TMEM117: variants seen among roughly 807,000 people sequenced by gnomAD.
TMEM117 encodes the protein transmembrane protein 117.
A neutral mutation model predicts 52.4 loss-of-function variants in TMEM117; 27 were observed. The observed-to-expected ratio is 0.51, with a 90% CI of 0.38 to 0.71. The LOEUF (loss-of-function observed/expected upper bound fraction) is 0.71, where lower values mean the gene tolerates loss of function less well. TMEM117 is among the 30% of genes least tolerant of loss of function. The pLI is 0.00. For missense variants in TMEM117, 556 were observed against 630.5 expected, an observed-to-expected ratio of 0.88 and a Z score of 1.26; for synonymous variants, 215 against 206.3, an observed-to-expected ratio of 1.04 and a Z score of -0.36.
chr12:44,137,862 A>G (rs1366011498), intron 3 of TMEM117, among the ~76,000 whole-genome samples: 1 of 152,080 alleles, frequency 6.6e-6, no homozygotes, highest in Non-Finnish European at 1.5e-5. Context: ...CAGCCAAACC[A>G]TATCACATGC....
intron 2 of TMEM117, among the ~76,000 whole-genome samples, chr12:43,893,612 A>T (rs929197402): frequency 6.6e-6 from 1 of 152,158 alleles, no homozygotes; most frequent in Non-Finnish European, 1.5e-5. Flanking sequence ...GTGAAAAATC[A>T]CAATCTCCTT....
chr12:44,347,364 G>A (rs1368991344), intron 6 of TMEM117, among the ~76,000 whole-genome samples: 1 of 152,062 alleles, frequency 6.6e-6, no homozygotes, highest in African/African-American at 2.4e-5. Flanking sequence ...ATGTTCCCAA[G>A]AATGCTCTAG....
chr12:43,969,388 G>C (rs1945541832), intron 3 of TMEM117, among the ~76,000 whole-genome samples: 1 of 133,238 alleles, frequency 7.5e-6, no homozygotes, highest in Admixed American at 7.3e-5. Context: ...CCAGGCATGG[G>C]GGCGGGTGCC....
intron 4 of TMEM117, among the ~76,000 whole-genome samples, chr12:44,160,326 A>G (rs1341402970): frequency 1.3e-5 from 2 of 152,176 alleles, no homozygotes; most frequent in African/African-American, 2.4e-5. Flanking sequence ...AAAAGTTAAT[A>G]TATATCCATA....
chr12:43,799,233 T>A, the TMEM117 span, among the ~76,000 whole-genome samples: 1 of 152,132 alleles, frequency 6.6e-6, no homozygotes, highest in Non-Finnish European at 1.5e-5. Flanking sequence ...TAACTTTTTT[T>A]TTCTGAAAAG....
chr12:44,286,798 G>C (rs17094386), intron 5 of TMEM117, among the ~76,000 whole-genome samples: 7,167 of 152,146 alleles, frequency 0.047, 346 homozygotes, highest in African/African-American at 0.12. Context: ...TAAAATGCAT[G>C]TTTCCAACAA....
intron 3 of TMEM117, among the ~76,000 whole-genome samples, chr12:44,002,746 C>T (rs1565787839): frequency 6.6e-6 from 1 of 152,170 alleles, no homozygotes; most frequent in African/African-American, 2.4e-5. Flanking sequence ...GTCCCTTCTT[C>T]CTTCTCTACC....
chr12:44,298,089 GA>G (rs149555021), intron 5 of TMEM117, among the ~76,000 whole-genome samples: 4,450 of 142,296 alleles, frequency 0.031, 301 homozygotes, highest in African/African-American at 0.071. Context: ...TTCATGAGGA[GA>G]AAAAAAAACA....
chr12:43,832,137 G>T (rs1438810296), upstream of TMEM117, among the ~76,000 whole-genome samples: 2 of 151,994 alleles, frequency 1.3e-5, no homozygotes, highest in Non-Finnish European at 2.9e-5. Context: ...TTTCTTTTTG[G>T]AACTTCTATC....
chr12:44,268,899 C>T (rs1232794532), intron 5 of TMEM117, among the ~76,000 whole-genome samples: 1 of 152,120 alleles, frequency 6.6e-6, no homozygotes, highest in African/African-American at 2.4e-5. Context: ...GTTCCCTCCT[C>T]CCTTAAGATA....
At chr12:43,901,354 A>G (rs890321358) in intron 2 of TMEM117, among the ~76,000 whole-genome samples, 14 of 152,100 alleles carry the variant, frequency 9.2e-5, no homozygotes, top group Admixed American at 6.5e-4. Context: ...TCTGTTGCCC[A>G]GGCTGGAGTG....
In TMEM117 at chr12:44,225,996, C is replaced by T. The variant is rs533309374; in HGVS notation, c.608+14609C>T. 4.3e-4 allele frequency among the ~76,000 whole-genome samples: 66 copies of T among 152,112 alleles called. No homozygotes were observed. In the South Asian group the frequency reaches 0.012, roughly 28 times the overall value. On this transcript the variant is annotated intron_variant, in intron 5 of 7. Coordinates refer to ENST00000266534, the MANE Select transcript of TMEM117 (RefSeq NM_032256.3). ...GAAACTCAATTTATCTGACTAACGT[C>T]GCAAAAACAGTTTTAAACACCCATA...
chr12:43,951,908 G>A (rs1309438400), intron 3 of TMEM117, among the ~76,000 whole-genome samples: 3 of 152,146 alleles, frequency 2.0e-5, no homozygotes, highest in Non-Finnish European at 4.4e-5. Context: ...CATCAGGTTG[G>A]TACCCCTCTG....
intron 5 of TMEM117, among the ~76,000 whole-genome samples, chr12:44,224,794 C>T (rs1489539196): frequency 1.3e-5 from 2 of 152,058 alleles, no homozygotes; most frequent in Admixed American, 1.3e-4. Flanking sequence ...TCAGTGAGTG[C>T]AGGTGTCATT....
the TMEM117 span, among the ~76,000 whole-genome samples, chr12:44,394,861 T>A: frequency 4.9e-4 from 74 of 152,168 alleles, no homozygotes; most frequent in Non-Finnish European, 9.4e-4. Flanking sequence ...AGCCTTGCCT[T>A]TTAGAAAGCT....
rs191950502 is a variant in TMEM117 at position 44,066,534 on chromosome 12, G to A, written c.411-76991G>A. On this transcript the variant is annotated intron_variant, in intron 3 of 7. Coordinates refer to ENST00000266534, the MANE Select transcript of TMEM117 (RefSeq NM_032256.3). ...AATAAAGCAAATATTTCAATAAAGC[G>A]AGTCACATGAATTTCTTGGTTTCCC... is the stretch of plus-strand genomic sequence containing the variant. Among the ~76,000 whole-genome samples, 527 of 152,228 alleles carry A rather than the reference G, an allele frequency of 3.5e-3. 7 individuals are homozygous for A. Among genetic ancestry groups the A allele is most frequent in the African/African-American group, 0.012 (498 of 41,552 alleles).
At chr12:43,910,371 A>G (rs1944475606) in intron 2 of TMEM117, among the ~76,000 whole-genome samples, 2 of 122,848 alleles carry the variant, frequency 1.6e-5, no homozygotes, top group African/African-American at 2.9e-5. Context: ...ATCTATGACA[A>G]ACCCACAGCC....
At chr12:44,013,307 G>T (rs574423996) in intron 3 of TMEM117, among the ~76,000 whole-genome samples, 1 of 152,294 alleles carries the variant, frequency 6.6e-6, no homozygotes, top group East Asian at 1.9e-4. Context: ...GATTACAGGT[G>T]TAAGTCACCG....
chr12:43,855,247 A>T (rs1007073955), intron 2 of TMEM117, among the ~76,000 whole-genome samples: 1 of 151,888 alleles, frequency 6.6e-6, no homozygotes, highest in East Asian at 1.9e-4. Context: ...GTACTTGACT[A>T]TGATAAGCAT....
Sources: allele counts gnomAD v4.1 joint callset (sites outside exome capture counted in the v4.1 genomes callset), GRCh38; gene constraint gnomAD v4.1.1; transcripts MANE v1.5; gene names NCBI Gene and HGNC (gene_info 2026-07-23, HGNC 2026-07-21).